The following CIT variants were observed in gnomAD, a reference collection of about 807,000 sequenced individuals.
CIT encodes the protein citron Rho-interacting kinase.
CIT carries 79 observed loss-of-function variants against 272.7 expected under a neutral mutation model. The ratio of observed to expected loss-of-function variants is 0.29; its 90% confidence interval spans 0.24 to 0.35. The LOEUF is 0.35. Ranked by LOEUF, CIT falls within the 10% of genes least tolerant of loss-of-function variation. CIT has a pLI of 1.00. For missense variants in CIT, 1,909 were observed against 2,618.3 expected, an observed-to-expected ratio of 0.73 and a Z score of 5.91; for synonymous variants, 948 against 995.6, an observed-to-expected ratio of 0.95 and a Z score of 0.90.
Position 119,712,760 on chromosome 12 carries a change from A to G in CIT, c.4580-65T>C. ...ACAGGAACAAGAACAAGGGGAGAAGAGAGAGCGAGAGAGACAGCAAGGGAG... is the reference window on the plus strand; with the variant it reads ...ACAGGAACAAGAACAAGGGGAGAAGGGAGAGCGAGAGAGACAGCAAGGGAG... On this transcript the variant is annotated intron_variant, in intron 35 of 47. Coordinates refer to ENST00000392521, the MANE Select transcript of CIT (RefSeq NM_001206999.2). This position sits in a 1 kb window ranked among gnomAD's most constrained non-coding sequence, Gnocchi z 5.2. 2 of 1,301,412 alleles carry G rather than the reference A, an allele frequency of 1.5e-6. No homozygotes were observed. Among genetic ancestry groups the G allele is most frequent in the Non-Finnish European group, 2.2e-6 (2 of 902,030 alleles). The allele number at this position is 1,301,412 out of a possible 1,614,324, so 80.6% of individuals were successfully genotyped here. A position where few individuals can be genotyped will look rare whatever the true frequency, so the allele number is the denominator to read the frequency against.
intron 9 of CIT, among the ~76,000 whole-genome samples, chr12:119,818,386 A>G (rs151012852): frequency 2.0e-5 from 3 of 152,334 alleles, no homozygotes; most frequent in African/African-American, 7.2e-5. Context: ...ACCTGAAGCT[A>G]AGTAGGCACA....
chr12:119,708,823 G>A (rs1280406197), intron 39 of CIT, among the ~76,000 whole-genome samples: 3 of 152,090 alleles, frequency 2.0e-5, no homozygotes, highest in Non-Finnish European at 4.4e-5. Context: ...AATAACATTT[G>A]GCCTTTTAGT....
chr12:119,741,501 T>C (rs1455140182), intron 24 of CIT, among the ~76,000 whole-genome samples: 1 of 152,244 alleles, frequency 6.6e-6, no homozygotes, highest in African/African-American at 2.4e-5. Context: ...ACTAGATACA[T>C]TTTATATCTA....
At chr12:119,769,018 T>C (rs1220892479) in intron 18 of CIT, among the ~76,000 whole-genome samples, 1 of 151,440 alleles carries the variant, frequency 6.6e-6, no homozygotes, top group African/African-American at 2.4e-5. Flanking sequence ...CAAGATACAC[T>C]CGGACGAAGA....
intron 40 of CIT, among the ~76,000 whole-genome samples, chr12:119,705,859 G>A (rs1956851588): frequency 6.6e-6 from 1 of 151,572 alleles, no homozygotes; most frequent in African/African-American, 2.4e-5. Context: ...GGAGGCCAAG[G>A]TGGGTGGATC....
chr12:119,770,960 G>T lies in CIT; in HGVS notation c.2083-50C>A, dbSNP rs1190274650. On this transcript the variant is annotated intron_variant, in intron 17 of 47. Coordinates refer to ENST00000392521, the MANE Select transcript of CIT (RefSeq NM_001206999.2). This position sits in a 1 kb window ranked among gnomAD's most constrained non-coding sequence, Gnocchi z 4.4. ...AGTTTTAATGGAGTAACCGCTATGG[G>T]CATAACACCTGCACCGAGGGAAAGA... 5.6e-6 allele frequency: 9 copies of T among 1,604,486 alleles called. No individual in the cohort carries two copies. The highest frequency in any genetic ancestry group is 7.7e-6 in the Non-Finnish European group (9 of 1,175,390).
intron 2 of CIT, among the ~76,000 whole-genome samples, chr12:119,871,419 G>A (rs1398390636): frequency 1.3e-5 from 2 of 152,130 alleles, no homozygotes; most frequent in African/African-American, 4.8e-5. Flanking sequence ...AAACAGACCG[G>A]CTGCATTTGA....
Position 119,803,233 on chromosome 12 carries a change from T to C in CIT, c.1268A>G (p.Lys423Arg). 1 of 1,585,508 alleles carries C rather than the reference T, an allele frequency of 6.3e-7. No individual in the cohort carries two copies. Among genetic ancestry groups the C allele is most frequent in the Non-Finnish European group, 8.6e-7 (1 of 1,168,482 alleles). ...AGATCTACCAAGAATCCCCAGTGCCTTGCTGTACGAAAACCCCACAAACGG... is the reference window on the plus strand; with the variant it reads ...AGATCTACCAAGAATCCCCAGTGCCCTGCTGTACGAAAACCCCACAAACGG... ...ELPFVGFSYS[K>R]ALGILGRSES... The change falls in exon 10 of 48, where the codon AAG (lysine) becomes AGG (arginine). Residue 423 changes from lysine (K) to arginine (R), a missense_variant. This residue lies in a region of CIT where 529 missense variants were observed against 549.6 expected (regional missense o/e 0.96). Transcript: ENST00000392521.
chr12:119,833,986 T>C, intron 6 of CIT, 100 bp downstream of exon 6: 1 of 1,262,948 alleles, frequency 7.9e-7, no homozygotes, highest in South Asian at 1.5e-5. Context: ...TGGGGCGTTA[T>C]CTTGATCTTG....
At chr12:119,854,570 G>A (rs1970454833) in intron 4 of CIT, among the ~76,000 whole-genome samples, 1 of 152,092 alleles carries the variant, frequency 6.6e-6, no homozygotes, top group South Asian at 2.1e-4. Context: ...TTGAACCCAG[G>A]AGGCAGAGGT....
Position 119,710,134 on chromosome 12 carries a change from G to T in CIT, c.5071+117C>A. On this transcript the variant is annotated intron_variant, in intron 39 of 47. Coordinates refer to ENST00000392521, the MANE Select transcript of CIT (RefSeq NM_001206999.2). This position sits in a 1 kb window ranked among gnomAD's most constrained non-coding sequence, Gnocchi z 5.6. ...GCTTGGGCATCTATGGGGACACAGA[G>T]ATAAGAGCTACAACGGCTCCTCTCT... 2 of 1,152,522 alleles carry T rather than the reference G, an allele frequency of 1.7e-6. No homozygotes were observed. The highest frequency in any genetic ancestry group is 1.5e-5 in the South Asian group (1 of 67,214). 71.4% of individuals were successfully genotyped at this position (1,152,522 alleles called of 1,614,324 possible). A position where few individuals can be genotyped will look rare whatever the true frequency, so the allele number is the denominator to read the frequency against.
chr12:119,718,566 A>T lies in CIT; in HGVS notation c.4003+133T>A, dbSNP rs371399698. On this transcript the variant is annotated intron_variant, in intron 31 of 47. Coordinates refer to ENST00000392521, the MANE Select transcript of CIT (RefSeq NM_001206999.2). The surrounding 1 kb of genome is among the most constrained non-coding windows in gnomAD (Gnocchi z 4.8). ...CACAGGGGCCATACGTTTTTCAGAC[A>T]TGGGATGTCTGGTCTGAAAGCGTAT... 1.2e-4 allele frequency: 170 copies of T among 1,411,556 alleles called. No individual in the cohort carries two copies. In the African/African-American group the frequency reaches 2.2e-3, roughly 18 times the overall value. 87.4% of individuals were successfully genotyped at this position (1,411,556 alleles called of 1,614,324 possible). A position where few individuals can be genotyped will look rare whatever the true frequency, so the allele number is the denominator to read the frequency against.
chr12:119,859,813 CA>C (rs56033716), intron 3 of CIT, among the ~76,000 whole-genome samples: 121 of 138,654 alleles, frequency 8.7e-4, no homozygotes, highest in Admixed American at 8.7e-4. Flanking sequence ...GACTCCGTCT[CA>C]AAAAAAAAAA....
intron 44 of CIT, among the ~76,000 whole-genome samples, chr12:119,698,589 CAAA>C (rs3858709): frequency 4.7e-4 from 62 of 133,176 alleles, no homozygotes; most frequent in Non-Finnish European, 3.2e-4. Flanking sequence ...GACTCTGTCT[CAAA>C]AAAAAAAAAA....
At chr12:119,715,438 G>A (rs185803937) in intron 32 of CIT, among the ~76,000 whole-genome samples, 5 of 152,152 alleles carry the variant, frequency 3.3e-5, no homozygotes, top group African/African-American at 7.2e-5. Flanking sequence ...CACAAAGGCC[G>A]CATGCAGTAT....
rs1961190173 is a variant in CIT at position 119,757,660 on chromosome 12, A to C, written c.2532-115T>G. ...GACATGTCTCCTCACTAAGTGGACT[A>C]GGGCCATTCCTGGGTTAGCTGTCTC... On this transcript the variant is annotated intron_variant, in intron 21 of 47. Coordinates refer to ENST00000392521, the MANE Select transcript of CIT (RefSeq NM_001206999.2). 2.3e-6 allele frequency: 3 copies of C among 1,325,550 alleles called. No individual in the cohort carries two copies. In the East Asian group the frequency reaches 7.1e-5, roughly 31 times the overall value. The allele number at this position is 1,325,550 out of a possible 1,614,324, so 82.1% of individuals were successfully genotyped here. A position where few individuals can be genotyped will look rare whatever the true frequency, so the allele number is the denominator to read the frequency against.
rs375978031 is a variant in CIT, at chr12:119,868,448, G to T, written c.238+612C>A. On this transcript the variant is annotated intron_variant, in intron 3 of 47. Coordinates refer to ENST00000392521, the MANE Select transcript of CIT (RefSeq NM_001206999.2). Reference sequence around the variant, plus strand: ...TCAGCCCTGAGTGAGTATAAGGACAGGGCCACGGGATATTATTGAGGTCTC... The same window carrying T: ...TCAGCCCTGAGTGAGTATAAGGACATGGCCACGGGATATTATTGAGGTCTC... Among the ~76,000 whole-genome samples the T allele has an allele frequency of 3.7e-4, 57 of 152,268 alleles. 3 individuals carry two copies. In the South Asian group the frequency reaches 9.5e-3, roughly 25 times the overall value.
At position 119,850,163 on chromosome 12, in the gene CIT, TA is replaced by T; in HGVS notation, c.516+10del. 6.6e-7 allele frequency: 1 copy of T among 1,518,030 alleles called. No homozygotes were observed. The highest frequency in any genetic ancestry group is 9.2e-7 in the Non-Finnish European group (1 of 1,092,710). 94.0% of individuals were successfully genotyped at this position (1,518,030 alleles called of 1,614,324 possible). ...TAGGCTAATTCCAGAGAGACAGATG[TA>T]AAGACTCACCAGATAAAGGTGATTT... On this transcript the variant is annotated intron_variant, in intron 5 of 47. Coordinates refer to ENST00000392521, the MANE Select transcript of CIT (RefSeq NM_001206999.2).
intron 3 of CIT, among the ~76,000 whole-genome samples, chr12:119,868,147 T>C (rs1489800658): frequency 6.6e-6 from 1 of 152,002 alleles, no homozygotes; most frequent in Non-Finnish European, 1.5e-5. Flanking sequence ...TGCTTGAGCC[T>C]AGAAGGTTGA....
Sources: allele counts gnomAD v4.1 joint callset (sites outside exome capture counted in the v4.1 genomes callset), GRCh38; gene constraint gnomAD v4.1.1; regional missense constraint gnomAD v4.1.1; non-coding constraint Gnocchi (gnomAD v3.1); transcripts MANE v1.5; gene names NCBI Gene and HGNC (gene_info 2026-07-23, HGNC 2026-07-21).